Variants in COP1 observed in about 807,000 individuals in gnomAD.
COP1 encodes the protein COP1 E3 ubiquitin ligase, also known as E3 ubiquitin-protein ligase COP1.
In COP1, 24 loss-of-function variants were observed where a neutral mutation model predicts 101.3. That is an observed-to-expected ratio of 0.24 (90% CI 0.17 to 0.33). The LOEUF is 0.33. COP1 is among the 10% of genes least tolerant of loss of function. COP1 has a pLI of 1.00. For synonymous variants in COP1, 347 were observed against 341.9 expected (o/e 1.01, Z -0.17); for missense variants, 663 against 906.2 (o/e 0.73, Z 3.45).
intron 2 of COP1, among the ~76,000 whole-genome samples, chr1:176,181,831 G>C (rs1466044077): frequency 1.3e-5 from 2 of 150,702 alleles, no homozygotes; most frequent in South Asian, 2.1e-4. Flanking sequence ...GACAGAGCGA[G>C]ACTCCATCTC....
At chr1:176,166,927 A>G (rs1695238876) in intron 3 of COP1, among the ~76,000 whole-genome samples, 2 of 152,276 alleles carry the variant, frequency 1.3e-5, no homozygotes, top group African/African-American at 2.4e-5. Flanking sequence ...ACAGAGAGAG[A>G]CGCTGTCTCA....
chr1:176,136,694 C>A (rs1428950892), intron 6 of COP1, 147 bp from the exon 7 acceptor site: 5 of 533,810 alleles, frequency 9.4e-6, no homozygotes, highest in East Asian at 6.1e-5. Context: ...GGAGGGATAA[C>A]CATCAACAAA....
At chr1:176,076,156 C>T (rs894942061) in intron 11 of COP1, among the ~76,000 whole-genome samples, 5 of 152,020 alleles carry the variant, frequency 3.3e-5, no homozygotes, top group African/African-American at 1.2e-4. Flanking sequence ...CACCCAACAA[C>T]CACAGAATAT....
intron 15 of COP1, among the ~76,000 whole-genome samples, chr1:176,025,514 C>T (rs959875798): frequency 1.7e-4 from 23 of 138,134 alleles, no homozygotes; most frequent in African/African-American, 5.9e-4. Flanking sequence ...TTAAAAATAA[C>T]AAAAATGGTA....
intron 15 of COP1, among the ~76,000 whole-genome samples, chr1:176,001,985 C>G (rs149980931): frequency 6.6e-6 from 1 of 151,972 alleles, no homozygotes; most frequent in South Asian, 2.1e-4. Context: ...AATGAGGATC[C>G]CTGGTACTTG....
intron 12 of COP1, 34 bp from the exon 13 acceptor site, chr1:176,043,852 A>G (rs1026188085): frequency 1.7e-6 from 2 of 1,166,296 alleles, no homozygotes; most frequent in African/African-American, 1.5e-5. Context: ...TACTTTACAT[A>G]AAAATAAATA....
chr1:176,031,507 T>C (rs1413434719), intron 14 of COP1, among the ~76,000 whole-genome samples: 1 of 152,122 alleles, frequency 6.6e-6, no homozygotes, highest in Admixed American at 6.5e-5. Context: ...AAAATTCCCT[T>C]CGAAAGAAAA....
At chr1:176,139,933 T>G (rs769916210) in intron 6 of COP1, among the ~76,000 whole-genome samples, 2 of 152,162 alleles carry the variant, frequency 1.3e-5, no homozygotes, top group Non-Finnish European at 2.9e-5. Flanking sequence ...CCCGTACATG[T>G]ACTCCCTGAA....
chr1:176,093,139 A>G (rs1419809522), intron 9 of COP1, among the ~76,000 whole-genome samples: 1 of 152,190 alleles, frequency 6.6e-6, no homozygotes, highest in African/African-American at 2.4e-5. Flanking sequence ...ATGTGGTAAA[A>G]CTTTTTTAAA....
intron 18 of COP1, among the ~76,000 whole-genome samples, chr1:175,984,243 C>T (rs975653296): frequency 1.3e-5 from 2 of 152,202 alleles, no homozygotes; most frequent in Non-Finnish European, 2.9e-5. Context: ...ATGCTGCGTG[C>T]AGCCTAGGGA....
At chr1:175,973,795 C>T (rs1396953981) in intron 18 of COP1, among the ~76,000 whole-genome samples, 1 of 152,104 alleles carries the variant, frequency 6.6e-6, no homozygotes, top group Non-Finnish European at 1.5e-5. Flanking sequence ...CAGCATTGTG[C>T]AAAGTTCCAG....
intron 18 of COP1, 22 bp from the exon 19 acceptor site, chr1:175,947,261 T>C: frequency 6.4e-7 from 1 of 1,574,656 alleles, no homozygotes; most frequent in Non-Finnish European, 8.7e-7. Flanking sequence ...CAAGAGCTTT[T>C]AAAGTATAGA....
At chr1:175,986,291 T>C (rs1185870907) in intron 18 of COP1, among the ~76,000 whole-genome samples, 1 of 152,160 alleles carries the variant, frequency 6.6e-6, no homozygotes, top group Non-Finnish European at 1.5e-5. Flanking sequence ...AGTGCTGGGA[T>C]TACAGGTGTG....
chr1:176,070,360 T>A (rs964043058), intron 11 of COP1, among the ~76,000 whole-genome samples: 4 of 151,934 alleles, frequency 2.6e-5, no homozygotes, highest in Non-Finnish European at 5.9e-5. Flanking sequence ...TAACTTTTTT[T>A]TTTAAATTAA....
At chr1:176,146,706 C>T (rs1165993248) in intron 6 of COP1, among the ~76,000 whole-genome samples, 4 of 152,192 alleles carry the variant, frequency 2.6e-5, no homozygotes, top group Admixed American at 2.6e-4. Context: ...AGAGCCAAGG[C>T]ACCCAGCTAC....
rs373078663 is a variant in COP1 at position 176,025,880 on chromosome 1, T to A, written c.1729+1692A>T. On this transcript the variant is annotated intron_variant, in intron 15 of 19. Coordinates refer to ENST00000367669, the MANE Select transcript of COP1 (RefSeq NM_022457.7). ...ACTCAACCTGGGTGACCCTGTCTCA[T>A]AAAAACAAAAAAACCAAAAAAAAAG... Among the ~76,000 whole-genome samples the A allele has an allele frequency of 2.7e-3, 399 of 149,958 alleles. 3 individuals carry two copies. The highest frequency in any genetic ancestry group is 9.4e-3 in the African/African-American group (382 of 40,814).
chr1:175,988,429 A>G lies in COP1; in HGVS notation c.1848-17T>C. On this transcript the variant is annotated splice_polypyrimidine_tract_variant and intron_variant, in intron 16 of 19. Coordinates refer to ENST00000367669, the MANE Select transcript of COP1 (RefSeq NM_022457.7). ...TCTGTTGAGCTGAGGAAAAGTACAAAGAGTAAGAACTTACTTAAAATTTCT... is the reference window on the plus strand; with the variant it reads ...TCTGTTGAGCTGAGGAAAAGTACAAGGAGTAAGAACTTACTTAAAATTTCT... 1 of 1,579,582 alleles carries G rather than the reference A, an allele frequency of 6.3e-7. No individual in the cohort carries two copies. Among genetic ancestry groups the G allele is most frequent in the South Asian group, 1.1e-5 (1 of 87,236 alleles).
chr1:175,994,418 C>A (rs551871220), intron 15 of COP1, among the ~76,000 whole-genome samples: 5 of 152,220 alleles, frequency 3.3e-5, no homozygotes, highest in African/African-American at 1.2e-4. Flanking sequence ...GGTAAATGGA[C>A]TAAATGCTCC....
chr1:176,056,895 T>C (rs922627853), intron 11 of COP1, among the ~76,000 whole-genome samples: 61 of 152,330 alleles, frequency 4.0e-4, no homozygotes, highest in African/African-American at 1.4e-3. Context: ...AATAAAGGAT[T>C]CAATGTATCT....
Sources: allele counts gnomAD v4.1 joint callset (sites outside exome capture counted in the v4.1 genomes callset), GRCh38; gene constraint gnomAD v4.1.1; transcripts MANE v1.5; gene names NCBI Gene and HGNC (gene_info 2026-07-23, HGNC 2026-07-21).